PTGER3: variants seen among roughly 807,000 people sequenced by gnomAD.
PTGER3 encodes prostaglandin E receptor 3.
PTGER3 carries 22 observed loss-of-function variants against 34.7 expected under a neutral mutation model. That is an observed-to-expected ratio of 0.63 (90% CI 0.45 to 0.91). The LOEUF (loss-of-function observed/expected upper bound fraction) is 0.91. PTGER3 is among the 40% of genes least tolerant of loss of function. The pLI is 0.00. For synonymous variants in PTGER3, 241 were observed against 230.1 expected, an observed-to-expected ratio of 1.05 and a Z score of -0.43; for missense variants, 468 against 519.4, an observed-to-expected ratio of 0.90 and a Z score of 0.96.
intron 4 of PTGER3, among the ~76,000 whole-genome samples, chr1:70,902,068 A>G (rs1283495148): frequency 6.6e-6 from 1 of 152,138 alleles, no homozygotes; most frequent in African/African-American, 2.4e-5. Context: ...TCTCCACCCG[A>G]AAAAAATATA....
chr1:71,014,776 T>C (rs1657745984), intron 1 of PTGER3, among the ~76,000 whole-genome samples: 1 of 152,304 alleles, frequency 6.6e-6, no homozygotes, highest in African/African-American at 2.4e-5. Flanking sequence ...GTCTGCTGTT[T>C]AAGCCATCAA....
At chr1:70,965,445 T>C (rs946955602) in intron 2 of PTGER3, among the ~76,000 whole-genome samples, 1 of 152,108 alleles carries the variant, frequency 6.6e-6, no homozygotes. Context: ...AGGGGCAGAA[T>C]TGAGTAATAC....
intron 2 of PTGER3, among the ~76,000 whole-genome samples, chr1:70,963,313 TG>T (rs1432455021): frequency 2.0e-5 from 3 of 152,110 alleles, no homozygotes; most frequent in African/African-American, 7.2e-5. Flanking sequence ...GTCTGCAGGA[TG>T]GGAGCCCTCC....
At chr1:70,896,991 A>G (rs1646734382) in intron 4 of PTGER3, among the ~76,000 whole-genome samples, 1 of 152,146 alleles carries the variant, frequency 6.6e-6, no homozygotes, top group Non-Finnish European at 1.5e-5. Flanking sequence ...ATAGGATGTA[A>G]AAGTAAGTTA....
At chr1:71,006,416 C>A (rs930395582) in intron 2 of PTGER3, 3 of 985,268 alleles carry the variant, frequency 3.0e-6, no homozygotes, top group African/African-American at 3.5e-5. Context: ...GTATTCATAA[C>A]CACCAATACT....
intron 4 of PTGER3, among the ~76,000 whole-genome samples, chr1:70,896,200 T>A (rs893295593): frequency 3.3e-5 from 5 of 152,234 alleles, no homozygotes; most frequent in Admixed American, 1.3e-4. Flanking sequence ...ACAACAGATA[T>A]TGAAGTCCTA....
At chr1:70,978,284 T>G (rs779233587) in intron 2 of PTGER3, among the ~76,000 whole-genome samples, 1 of 152,196 alleles carries the variant, frequency 6.6e-6, no homozygotes, top group Non-Finnish European at 1.5e-5. Flanking sequence ...ATACCTGTAT[T>G]GCATATTAAG....
intron 2 of PTGER3, among the ~76,000 whole-genome samples, chr1:71,001,039 A>G (rs1656435186): frequency 6.6e-6 from 1 of 152,310 alleles, no homozygotes; most frequent in Middle Eastern, 3.4e-3. Flanking sequence ...TAGAAAAAAC[A>G]TTGAAAAAAT....
At chr1:70,985,885 C>T (rs1201962513) in intron 2 of PTGER3, among the ~76,000 whole-genome samples, 2 of 152,196 alleles carry the variant, frequency 1.3e-5, no homozygotes, top group Non-Finnish European at 2.9e-5. Flanking sequence ...GCTAAGATGA[C>T]ATTGTCAGAG....
intron 2 of PTGER3, among the ~76,000 whole-genome samples, chr1:70,964,344 T>A (rs1210353127): frequency 6.6e-6 from 1 of 152,184 alleles, no homozygotes; most frequent in Non-Finnish European, 1.5e-5. Context: ...ATTTACTGTA[T>A]CAGTCTGTTT....
chr1:70,959,066 T>C (rs929419062), intron 2 of PTGER3, among the ~76,000 whole-genome samples: 1 of 152,234 alleles, frequency 6.6e-6, no homozygotes, highest in African/African-American at 2.4e-5. Context: ...TCTGTGTTGG[T>C]TACTAGAGCT....
rs1428679209 is a variant in PTGER3, at chr1:70,996,787, C to T, written c.1077+15518G>A. On this transcript the variant is annotated intron_variant, in intron 2 of 3. Transcript: ENST00000306666. ...CACGCCATTCTCCTGCCTCAGCCTC[C>T]GGAGTAGGTGGGACTACAGGCGCCC... Among the ~76,000 whole-genome samples, 6 of 152,022 alleles carry T rather than the reference C, an allele frequency of 3.9e-5. No homozygotes were observed. The South Asian group carries it at 6.2e-4, about 16-fold the overall frequency.
At chr1:70,865,730 T>G in intron 4 of PTGER3, 1 of 1,366,102 alleles carries the variant, frequency 7.3e-7, no homozygotes, top group South Asian at 1.1e-5. Flanking sequence ...AAGTTGTGGA[T>G]GTGATGAAGA....
chr1:71,029,539 G>A (rs1258269103), intron 1 of PTGER3, among the ~76,000 whole-genome samples: 1 of 152,114 alleles, frequency 6.6e-6, no homozygotes, highest in East Asian at 1.9e-4. Flanking sequence ...TGTCTATTGT[G>A]GCCAATCATC....
At position 71,018,535 on chromosome 1, in the gene PTGER3, C is replaced by A. The variant is rs977662678; in HGVS notation, c.898-6051G>T. Among the ~76,000 whole-genome samples the A allele has an allele frequency of 5.3e-5, 8 of 152,158 alleles. No individual in the cohort carries two copies. In the South Asian group the frequency reaches 1.2e-3, roughly 24 times the overall value. ...TGCTTATCTTTTTCAGTCCTTTACCCCACCCAATAGTTAAATATATTTGAC... is the reference window on the plus strand; with the variant it reads ...TGCTTATCTTTTTCAGTCCTTTACCACACCCAATAGTTAAATATATTTGAC... On this transcript the variant is annotated intron_variant, in intron 1 of 3. Transcript: ENST00000306666.
chr1:70,863,999 A>G (rs952008231), intron 4 of PTGER3, among the ~76,000 whole-genome samples: 6 of 152,152 alleles, frequency 3.9e-5, no homozygotes, highest in Admixed American at 3.3e-4. Context: ...AAAGTTTAAT[A>G]TGAGAGCAGT....
At chr1:71,035,627 G>A (rs1204945067) in intron 1 of PTGER3, among the ~76,000 whole-genome samples, 2 of 152,178 alleles carry the variant, frequency 1.3e-5, no homozygotes, top group Non-Finnish European at 2.9e-5. Flanking sequence ...AAAACATGAA[G>A]CAGATCAAAT....
intron 4 of PTGER3, among the ~76,000 whole-genome samples, chr1:70,880,143 G>T (rs1471512176): frequency 6.6e-6 from 1 of 151,948 alleles, no homozygotes; most frequent in Non-Finnish European, 1.5e-5. Context: ...TTGTTAGCTG[G>T]TTATTATGCA....
At chr1:70,889,708 A>G (rs1034476849) in intron 4 of PTGER3, among the ~76,000 whole-genome samples, 2 of 152,134 alleles carry the variant, frequency 1.3e-5, no homozygotes, top group Non-Finnish European at 2.9e-5. Flanking sequence ...CTTATGATCT[A>G]TAGTTTTCTT....
Sources: gnomAD v4.1 joint callset for allele counts (sites outside exome capture counted in the v4.1 genomes callset) on GRCh38, gnomAD v4.1.1 for gene constraint, MANE v1.5 for transcripts, NCBI Gene and HGNC (gene_info 2026-07-23, HGNC 2026-07-21) for gene names.